Variants in CENPE observed in about 807,000 individuals in gnomAD.
CENPE encodes centromere-associated protein E.
A neutral mutation model predicts 336.1 loss-of-function variants in CENPE; 145 were observed. That is an observed-to-expected ratio of 0.43 (90% CI 0.38 to 0.50). The LOEUF is 0.50. CENPE is among the 20% of genes least tolerant of loss of function. The probability of loss-of-function intolerance (pLI) is 0.00; values close to 1 mark genes in which losing one functional copy is unlikely to be tolerated. For missense variants in CENPE, 2,719 were observed against 3,023.3 expected, an observed-to-expected ratio of 0.90 and a Z score of 2.36; for synonymous variants, 1,013 against 984.8, an observed-to-expected ratio of 1.03 and a Z score of -0.54.
chr4:103,127,127 G>GA (rs1751189765), intron 42 of CENPE, among the ~76,000 whole-genome samples: 2 of 121,004 alleles, frequency 1.7e-5, no homozygotes, highest in African/African-American at 3.1e-5. Flanking sequence ...AAAAACCCCC[G>GA]AAAAAAAACC....
At chr4:103,168,091 C>T (rs1405172141) in intron 16 of CENPE, among the ~76,000 whole-genome samples, 1 of 152,090 alleles carries the variant, frequency 6.6e-6, no homozygotes, top group Non-Finnish European at 1.5e-5. Flanking sequence ...GGCTCCAGCC[C>T]TCCCCTGCTG....
chr4:103,120,277 C>A lies in CENPE; in HGVS notation c.7200G>T (p.Lys2400Asn). ...LHEAKESAMH[K>N]ESKIIKMQKE... ...TCTGCATCTTTATAATCTTGCTTTC[C>A]TTATGCATAGCACTTTCTTTAGCTT... is the stretch of plus-strand genomic sequence containing the variant. Residue 2400 changes from lysine (K) to asparagine (N), a missense_variant, in exon 44 of 49, where the codon AAG (lysine) becomes AAT (asparagine). Around this residue, in one of 5 missense-constraint regions of CENPE, gnomAD observed 2,437 missense variants for 2,513.3 expected, o/e 0.97. Transcript: ENST00000265148. 6.2e-7 allele frequency: 1 copy of A among 1,611,930 alleles called. No homozygotes were observed. The highest frequency in any genetic ancestry group is 8.5e-7 in the Non-Finnish European group (1 of 1,179,434).
In CENPE at chr4:103,196,047, A is replaced by T. The variant is rs1170789101; in HGVS notation, c.239-9T>A. 6.2e-7 allele frequency: 1 copy of T among 1,604,058 alleles called. No individual in the cohort carries two copies. Among genetic ancestry groups the T allele is most frequent in the Non-Finnish European group, 8.5e-7 (1 of 1,170,940 alleles). On this transcript the variant is annotated splice_polypyrimidine_tract_variant and intron_variant, in intron 3 of 48. Coordinates refer to ENST00000265148, the MANE Select transcript of CENPE (RefSeq NM_001813.3). ...ATAGGCAAATATAGTACCTGCAAAA[A>T]ACAAAACACACATACGCAAAGATTA...
chr4:103,122,686 A>G (rs1205096613), intron 43 of CENPE, among the ~76,000 whole-genome samples, 185 bp downstream of exon 43: 1 of 152,244 alleles, frequency 6.6e-6, no homozygotes, highest in African/African-American at 2.4e-5. Context: ...AATATCTTAC[A>G]TAATGTCTAG....
chr4:103,189,984 C>G (rs544931211), intron 8 of CENPE, among the ~76,000 whole-genome samples: 1 of 152,258 alleles, frequency 6.6e-6, no homozygotes, highest in Admixed American at 6.5e-5. Flanking sequence ...CACAAGCATT[C>G]TTATACACCA....
chr4:103,183,868 G>A (rs984106453), intron 9 of CENPE, among the ~76,000 whole-genome samples: 1 of 151,958 alleles, frequency 6.6e-6, no homozygotes, highest in Non-Finnish European at 1.5e-5. Flanking sequence ...GATATCAATA[G>A]TAACAGTCCA....
chr4:103,177,520 C>G (rs1219928675), intron 13 of CENPE, among the ~76,000 whole-genome samples: 1 of 151,770 alleles, frequency 6.6e-6, no homozygotes, highest in Non-Finnish European at 1.5e-5. Context: ...ATACACAACC[C>G]TAAGGTTGTT....
Position 103,147,441 on chromosome 4 carries a change from T to C in CENPE, c.4049A>G (p.Glu1350Gly), listed in dbSNP as rs1753148376. 2 of 1,613,910 alleles carry C rather than the reference T, an allele frequency of 1.2e-6. No individual in the cohort carries two copies. Among genetic ancestry groups the C allele is most frequent in the South Asian group, 1.1e-5 (1 of 91,086 alleles). ...TTTTATCGTTTTAAGGTTGTCTCTT[T>C]CCTTGGTTAGAGATTTTATCTCTTC... ...SQEEIKSLTKERDNLKTIKEA... is the reference protein window; with the variant it reads ...SQEEIKSLTKGRDNLKTIKEA... Residue 1350 changes from glutamate to glycine, a missense_variant, in exon 29 of 49, where the codon GAA (glutamate) becomes GGA (glycine). Physicochemically the swap from Glu to Gly is moderately conservative, Grantham distance 98. Transcript: ENST00000265148.
intron 40 of CENPE, among the ~76,000 whole-genome samples, chr4:103,134,738 GAAT>G (rs1751922892): frequency 6.6e-6 from 1 of 151,054 alleles, no homozygotes; most frequent in Non-Finnish European, 1.5e-5. Flanking sequence ...TGGACTTCAT[GAAT>G]AATTCTAGAT....
At position 103,145,059 on chromosome 4, in the gene CENPE, A is replaced by C. The variant is rs762851859; in HGVS notation, c.4848T>G (p.Ile1616Met). The change falls in exon 32 of 49, where the codon ATT (isoleucine) becomes ATG (methionine). Residue 1616 changes from isoleucine (I) to methionine (M), a missense_variant. By Grantham distance (10) the Ile-to-Met change is conservative (BLOSUM62 1). Around this residue, in one of 5 missense-constraint regions of CENPE, gnomAD observed 2,437 missense variants for 2,513.3 expected, o/e 0.97. Coordinates refer to ENST00000265148, the MANE Select transcript of CENPE (RefSeq NM_001813.3). ...TAAGATGGGAACTTACTTTAGCTAC[A>C]ATTTCTTTAGTGTTTTCTTTCAGTT... ...RDQLKENTKE[I>M]VAKMKESQEK... 6.0e-6 allele frequency: 9 copies of C among 1,498,056 alleles called. No individual in the cohort carries two copies. The highest frequency in any genetic ancestry group is 8.0e-6 in the Non-Finnish European group (9 of 1,126,906). The allele number at this position is 1,498,056 out of a possible 1,614,324, so 92.8% of individuals were successfully genotyped here.
intron 42 of CENPE, among the ~76,000 whole-genome samples, chr4:103,131,904 T>A (rs1386443603): frequency 6.6e-6 from 1 of 152,190 alleles, no homozygotes. Flanking sequence ...GGGGCTACTA[T>A]GGAGACAGTA....
intron 16 of CENPE, 55 bp from the exon 17 acceptor site, chr4:103,163,608 C>CAAAAAAAAAAAAAAAA (rs11315612): frequency 5.9e-4 from 179 of 304,150 alleles, no homozygotes; most frequent in African/African-American, 1.2e-3. Context: ...TAAAGCAAAG[C>CAAAAAAAAAAAAAAAA]AAAAAAAAAA....
rs1430126859 is a variant in CENPE, at chr4:103,138,415, C to A, written c.6239G>T (p.Arg2080Met). 5.0e-6 allele frequency: 8 copies of A among 1,613,090 alleles called. No homozygotes were observed. Among genetic ancestry groups the A allele is most frequent in the South Asian group, 3.3e-5 (3 of 91,060 alleles). The change falls in exon 39 of 49, where the codon AGG (arginine) becomes ATG (methionine). Residue 2080 changes from arginine (R) to methionine (M), a missense_variant. Transcript: ENST00000265148. Reference sequence around the variant, plus strand: ...GTGCTGTTGTCCATCACTTAGTAACCTTTTTTCAGGTTTTACTTGGTGGTT... The same window carrying A: ...GTGCTGTTGTCCATCACTTAGTAACATTTTTTCAGGTTTTACTTGGTGGTT... Reference protein sequence around the residue: ...RQNHQVKPEKRLLSDGQQHLT... With the variant: ...RQNHQVKPEKMLLSDGQQHLT...
intron 24 of CENPE, among the ~76,000 whole-genome samples, chr4:103,157,883 T>A (rs1321750046): frequency 6.6e-6 from 1 of 151,924 alleles, no homozygotes; most frequent in African/African-American, 2.4e-5. Context: ...ATAATAAAAA[T>A]GAGACATGTT....
intron 46 of CENPE, 32 bp from the exon 47 acceptor site, chr4:103,111,043 A>C: frequency 6.9e-7 from 1 of 1,456,098 alleles, no homozygotes; most frequent in Non-Finnish European, 9.3e-7. Flanking sequence ...ATAGGTGATA[A>C]TTTTAATTGT....
intron 1 of CENPE, among the ~76,000 whole-genome samples, 164 bp from the exon 2 acceptor site, chr4:103,197,014 T>C (rs1226436865): frequency 6.6e-6 from 1 of 152,248 alleles, no homozygotes; most frequent in Non-Finnish European, 1.5e-5. Flanking sequence ...GGAGCTTCAG[T>C]GACCTTCTGC....
chr4:103,122,892 T>G lies in CENPE; in HGVS notation c.7122A>C (p.Arg2374Ser). ...QDNKNPHVTS[R>S]ATQLTTEKIR... ...ATACCTCTGTGGTTAACTGTGTAGC[T>G]CTTGATGTAACATGAGGATTCTTAT... Residue 2374 changes from arginine to serine, a missense_variant, in exon 43 of 49, where the codon AGA becomes AGC. By Grantham distance (110) the Arg-to-Ser change is moderately radical. Coordinates refer to ENST00000265148, the MANE Select transcript of CENPE (RefSeq NM_001813.3). The G allele has an allele frequency of 6.2e-7, 1 of 1,613,030 alleles. No homozygotes were observed. Among genetic ancestry groups the G allele is most frequent in the African/African-American group, 1.3e-5 (1 of 75,006 alleles).
Position 103,158,691 on chromosome 4 carries a change from C to T in CENPE, c.2797G>A (p.Asp933Asn), listed in dbSNP as rs144716013. 307 of 1,612,584 alleles carry T rather than the reference C, an allele frequency of 1.9e-4. No homozygotes were observed. The highest frequency in any genetic ancestry group is 2.7e-4 in the Admixed American group (16 of 59,816). The change falls in exon 23 of 49, where the codon GAT becomes AAT. Residue 933 changes from aspartate (D) to asparagine (N), a missense_variant. Around this residue, in one of 5 missense-constraint regions of CENPE, gnomAD observed 2,437 missense variants for 2,513.3 expected, o/e 0.97. Transcript: ENST00000265148. ...AAGCTTTCTTGGAGTTGTTTTAGATCATCTTTTTCTTGAGTTAAAGTTTTT... is the reference window on the plus strand; with the variant it reads ...AAGCTTTCTTGGAGTTGTTTTAGATTATCTTTTTCTTGAGTTAAAGTTTTT... Reference protein sequence around the residue: ...EVKTLTQEKDDLKQLQESLQI... With the variant: ...EVKTLTQEKDNLKQLQESLQI...
chr4:103,177,770 G>C (rs1421224567), intron 13 of CENPE, among the ~76,000 whole-genome samples: 1 of 151,788 alleles, frequency 6.6e-6, no homozygotes, highest in Admixed American at 6.6e-5. Context: ...GCCTCTCTGA[G>C]TGCTGTCCTT....
Sources: gnomAD v4.1 joint callset for allele counts (sites outside exome capture counted in the v4.1 genomes callset) on GRCh38, gnomAD v4.1.1 for gene constraint, gnomAD v4.1.1 regional missense constraint, MANE v1.5 for transcripts, NCBI Gene and HGNC (gene_info 2026-07-23, HGNC 2026-07-21) for gene names.